Variants in CRYL1 observed in about 807,000 individuals in gnomAD.
CRYL1 encodes the protein lambda-crystallin homolog.
A neutral mutation model predicts 36.6 loss-of-function variants in CRYL1; 29 were observed. The observed-to-expected ratio is 0.79, with a 90% CI of 0.59 to 1.08. CRYL1 has a LOEUF of 1.08. CRYL1 is among the 50% of genes least tolerant of loss of function. CRYL1 has a pLI of 0.00. For synonymous variants in CRYL1, 152 were observed against 151.5 expected (o/e 1.00, Z -0.02); for missense variants, 411 against 407.9 (o/e 1.01, Z -0.06).
chr13:20,452,287 GA>G lies in CRYL1; in HGVS notation c.277-12534del, dbSNP rs201321122. 5.2e-3 allele frequency among the ~76,000 whole-genome samples: 725 copies of G among 138,988 alleles called. 5 individuals are homozygous for G. Among genetic ancestry groups the G allele is most frequent in the African/African-American group, 0.018 (701 of 38,124 alleles). 91.2% of individuals were successfully genotyped at this position (138,988 alleles called of 152,430 possible). On this transcript the variant is annotated intron_variant, in intron 3 of 7. Coordinates refer to ENST00000298248, the MANE Select transcript of CRYL1 (RefSeq NM_015974.3). ...ACCCAACCCAACTCTAAACTATCTA[GA>G]AAAAAAAATCTACTTTAAATGTATG...
chr13:20,514,838 G>GT (rs571361051), intron 1 of CRYL1, among the ~76,000 whole-genome samples: 84 of 151,784 alleles, frequency 5.5e-4, no homozygotes, highest in African/African-American at 1.4e-3. Context: ...AAAAATAAAG[G>GT]TTTTTTTTAA....
intron 6 of CRYL1, among the ~76,000 whole-genome samples, chr13:20,406,733 G>A (rs1262732205): frequency 6.6e-6 from 1 of 151,974 alleles, no homozygotes; most frequent in Non-Finnish European, 1.5e-5. Context: ...TTTGGGGTGG[G>A]GGAGGGCAGA....
intron 4 of CRYL1, among the ~76,000 whole-genome samples, chr13:20,437,376 C>G (rs1245281281): frequency 1.3e-5 from 2 of 150,130 alleles, no homozygotes; most frequent in African/African-American, 2.5e-5. Context: ...GGCGCGATCT[C>G]GGCTCACTGC....
chr13:20,439,682 C>T lies in CRYL1; in HGVS notation c.349G>A (p.Val117Met), dbSNP rs1383600663. ...AQLDSIIDDR[V>M]ILSSSTSCLM... ...CAAGAAGTGGAACTGCTTAAGATCA[C>T]TCGATCATCAATGATGGAATCTAAC... is the stretch of plus-strand genomic sequence containing the variant. The change falls in exon 4 of 8, where the codon GTG becomes ATG. Residue 117 changes from valine to methionine, a missense_variant. Physicochemically the swap from Val to Met is conservative, Grantham distance 21 (BLOSUM62 1). Coordinates refer to ENST00000298248, the MANE Select transcript of CRYL1 (RefSeq NM_015974.3). 2 of 1,614,090 alleles carry T rather than the reference C, an allele frequency of 1.2e-6. No homozygotes were observed. The highest frequency in any genetic ancestry group is 2.2e-5 in the East Asian group (1 of 44,880).
Position 20,525,286 on chromosome 13 carries a change from G to A in CRYL1, c.41+468C>T, listed in dbSNP as rs2137529426. On this transcript the variant is annotated intron_variant, in intron 1 of 7. Transcript: ENST00000298248. This position sits in a 1 kb window ranked among gnomAD's most constrained non-coding sequence, Gnocchi z 4.3. ...TCCCTGCTGGGCTAGTCCTGTCTCC[G>A]TCACTAAACGCCTGTGACCTTAGGT... Among the ~76,000 whole-genome samples the A allele has an allele frequency of 6.6e-6, 1 of 152,310 alleles. No individual in the cohort carries two copies. The highest frequency in any genetic ancestry group is 2.4e-5 in the African/African-American group (1 of 41,558).
chr13:20,455,077 T>C (rs909687454), intron 3 of CRYL1, among the ~76,000 whole-genome samples: 11 of 152,326 alleles, frequency 7.2e-5, no homozygotes, highest in Admixed American at 2.6e-4. Flanking sequence ...CAAGGACTAG[T>C]GAGCTCAGCA....
chr13:20,425,145 C>A lies in CRYL1; in HGVS notation c.633+6957G>T, dbSNP rs1428266602. Among the ~76,000 whole-genome samples the A allele has an allele frequency of 6.6e-6, 1 of 152,200 alleles. No individual in the cohort carries two copies. Among genetic ancestry groups the A allele is most frequent in the African/African-American group, 2.4e-5 (1 of 41,454 alleles). On this transcript the variant is annotated intron_variant, in intron 5 of 7. Transcript: ENST00000298248. This position sits in a 1 kb window ranked among gnomAD's most constrained non-coding sequence, Gnocchi z 4.4. Reference sequence around the variant, plus strand: ...CAGTCTGAAGCAAACCACAGCAATTCACTTCCAACGCCGTCCTTCCCCAGA... The same window carrying A: ...CAGTCTGAAGCAAACCACAGCAATTAACTTCCAACGCCGTCCTTCCCCAGA...
intron 3 of CRYL1, among the ~76,000 whole-genome samples, chr13:20,449,771 A>C (rs1230537142): frequency 6.6e-6 from 1 of 152,226 alleles, no homozygotes; most frequent in East Asian, 1.9e-4. Context: ...CAATGTACAA[A>C]AATCAGCAGC....
In CRYL1 at chr13:20,510,313, C is replaced by T. The variant is rs550775661; in HGVS notation, c.149+2130G>A. ...TAAATTGTGGTACATCCAGGCAATGCAATATCATTCAAGCTCAAGCCATGA... is the reference window on the plus strand; with the variant it reads ...TAAATTGTGGTACATCCAGGCAATGTAATATCATTCAAGCTCAAGCCATGA... On this transcript the variant is annotated intron_variant, in intron 2 of 7. Coordinates refer to ENST00000298248, the MANE Select transcript of CRYL1 (RefSeq NM_015974.3). 1.4e-4 allele frequency among the ~76,000 whole-genome samples: 21 copies of T among 152,254 alleles called. No individual in the cohort carries two copies. In the East Asian group the frequency reaches 2.7e-3, roughly 20 times the overall value.
chr13:20,489,608 T>C (rs922903571), intron 2 of CRYL1, 112 bp from the exon 3 acceptor site: 1 of 1,313,234 alleles, frequency 7.6e-7, no homozygotes, highest in East Asian at 2.3e-5. Flanking sequence ...CACAGTGAGA[T>C]ACCACCTCAC....
At chr13:20,459,479 G>T (rs998179828) in intron 3 of CRYL1, among the ~76,000 whole-genome samples, 3 of 152,092 alleles carry the variant, frequency 2.0e-5, no homozygotes, top group African/African-American at 7.2e-5. Flanking sequence ...ACTAGATAGA[G>T]AAAATGTGGT....
At chr13:20,412,389 T>C (rs1464639375) in intron 6 of CRYL1, among the ~76,000 whole-genome samples, 1 of 152,294 alleles carries the variant, frequency 6.6e-6, no homozygotes, top group East Asian at 1.9e-4. Flanking sequence ...TCTCTTTCTA[T>C]ATGTTTTCTA....
intron 1 of CRYL1, among the ~76,000 whole-genome samples, chr13:20,524,007 C>A (rs1326024648): frequency 1.3e-5 from 2 of 152,266 alleles, no homozygotes; most frequent in East Asian, 3.9e-4. Flanking sequence ...CAACTGTAAC[C>A]CCAACACTTT....
chr13:20,431,916 T>G, intron 5 of CRYL1, 186 bp downstream of exon 5: 10 of 1,521,030 alleles, frequency 6.6e-6, no homozygotes, highest in East Asian at 5.0e-5. Context: ...AATCGCTGCA[T>G]TTTATTTTGG....
rs1388856181 is a variant in CRYL1, at chr13:20,427,718, A to G, written c.633+4384T>C. 5.8e-5 allele frequency among the ~76,000 whole-genome samples: 8 copies of G among 137,710 alleles called. No individual in the cohort carries two copies. The East Asian group carries it at 1.7e-3, about 29-fold the overall frequency. The allele number at this position is 137,710 out of a possible 152,430, so 90.3% of individuals were successfully genotyped here. A position where few individuals can be genotyped will look rare whatever the true frequency, so the allele number is the denominator to read the frequency against. ...GGAAAATAAAAGGAAAAAAAAATCAATGAGACAAAAAGTTGCTCCTCAAAA... is the reference window on the plus strand; with the variant it reads ...GGAAAATAAAAGGAAAAAAAAATCAGTGAGACAAAAAGTTGCTCCTCAAAA... On this transcript the variant is annotated intron_variant, in intron 5 of 7. Coordinates refer to ENST00000298248, the MANE Select transcript of CRYL1 (RefSeq NM_015974.3).
intron 2 of CRYL1, among the ~76,000 whole-genome samples, chr13:20,511,964 T>C (rs566319192): frequency 6.6e-6 from 1 of 152,364 alleles, no homozygotes; most frequent in South Asian, 2.1e-4. Flanking sequence ...TCCAGTTCTG[T>C]CCTCTCACAT....
At chr13:20,516,702 G>A (rs191389221) in intron 1 of CRYL1, among the ~76,000 whole-genome samples, 5 of 152,020 alleles carry the variant, frequency 3.3e-5, no homozygotes, top group East Asian at 1.9e-4. Flanking sequence ...TGATGGTCTC[G>A]ATCTCCTGAC....
At chr13:20,467,925 T>A (rs1170108087) in intron 3 of CRYL1, among the ~76,000 whole-genome samples, 1 of 152,194 alleles carries the variant, frequency 6.6e-6, no homozygotes, top group African/African-American at 2.4e-5. Context: ...TAGATCAGCG[T>A]GGCATTGGAT....
At chr13:20,454,220 C>CA (rs1259137079) in intron 3 of CRYL1, among the ~76,000 whole-genome samples, 9 of 151,562 alleles carry the variant, frequency 5.9e-5, no homozygotes, top group African/African-American at 9.7e-5. Flanking sequence ...AACACATATG[C>CA]AAAAAAAATC....
Sources: gnomAD v4.1 joint callset for allele counts (sites outside exome capture counted in the v4.1 genomes callset) on GRCh38, gnomAD v4.1.1 for gene constraint, Gnocchi (gnomAD v3.1) non-coding constraint, MANE v1.5 for transcripts, NCBI Gene and HGNC (gene_info 2026-07-23, HGNC 2026-07-21) for gene names.